Variants in RTTN observed in about 807,000 individuals in gnomAD.
RTTN encodes rotatin.
Under a neutral mutation model 269.2 loss-of-function variants are expected in RTTN, and 182 were observed. That is an observed-to-expected ratio of 0.68 (90% CI 0.60 to 0.76). The LOEUF is 0.76. Among genes scored for constraint, RTTN ranks in the 30% least tolerant of loss-of-function variants. The probability of loss-of-function intolerance (pLI) is 0.00; values close to 1 mark genes in which losing one functional copy is unlikely to be tolerated. For synonymous variants in RTTN, 1,006 were observed against 963.5 expected, an observed-to-expected ratio of 1.04 and a Z score of -0.82; for missense variants, 2,545 against 2,608.6, an observed-to-expected ratio of 0.98 and a Z score of 0.53.
intron 32 of RTTN, among the ~76,000 whole-genome samples, chr18:70,080,283 A>G (rs1372330239): frequency 6.6e-6 from 1 of 152,172 alleles, no homozygotes; most frequent in Non-Finnish European, 1.5e-5. Context: ...TCTAGAACGC[A>G]GATCTTGGTT....
At chr18:70,050,964 G>C (rs902784841) in intron 39 of RTTN, among the ~76,000 whole-genome samples, 2 of 152,090 alleles carry the variant, frequency 1.3e-5, no homozygotes, top group African/African-American at 4.8e-5. Flanking sequence ...AATACCTAAT[G>C]CATGTGGGGC....
intron 37 of RTTN, among the ~76,000 whole-genome samples, chr18:70,057,396 T>C (rs999491884): frequency 1.3e-5 from 2 of 152,148 alleles, no homozygotes; most frequent in African/African-American, 4.8e-5. Flanking sequence ...TTGGTGTAAA[T>C]AACAGAGATA....
At chr18:70,008,486 T>G (rs1342443383) in intron 46 of RTTN, 1 of 151,822 alleles carries the variant, frequency 6.6e-6, no homozygotes, top group Non-Finnish European at 1.5e-5. Flanking sequence ...TCTAACCCAA[T>G]GCAAGGAAGC....
At position 70,078,930 on chromosome 18, in the gene RTTN, G is replaced by A. The variant is rs182386462; in HGVS notation, c.4375-3389C>T. On this transcript the variant is annotated intron_variant, in intron 32 of 48. Coordinates refer to ENST00000640769, the MANE Select transcript of RTTN (RefSeq NM_173630.4). ...TGGGGTCAAAAGATATGATGCATGG[G>A]TGACAAAACCAGGAAGAGCAAGTGT... 4.3e-4 allele frequency among the ~76,000 whole-genome samples: 65 copies of A among 152,244 alleles called. 1 individual carries two copies. The Middle Eastern group carries it at 0.01, about 24-fold the overall frequency.
chr18:70,178,355 CA>C (rs1568521238), intron 10 of RTTN, among the ~76,000 whole-genome samples: 1 of 151,970 alleles, frequency 6.6e-6, no homozygotes, highest in East Asian at 1.9e-4. Flanking sequence ...AAGCCAGATA[CA>C]AAAAGACAAA....
intron 32 of RTTN, among the ~76,000 whole-genome samples, chr18:70,081,019 C>T (rs545318719): frequency 1.5e-4 from 23 of 151,792 alleles, no homozygotes; most frequent in Admixed American, 3.9e-4. Flanking sequence ...TAATGGTATT[C>T]GCAGTGATCT....
At chr18:70,167,855 T>C (rs1036131222) in intron 12 of RTTN, among the ~76,000 whole-genome samples, 2 of 151,894 alleles carry the variant, frequency 1.3e-5, no homozygotes, top group African/African-American at 4.8e-5. Context: ...ATCATAAATA[T>C]CAAGTTCAAG....
At chr18:70,106,539 T>C (rs565515710) in intron 28 of RTTN, among the ~76,000 whole-genome samples, 189 of 152,208 alleles carry the variant, frequency 1.2e-3, no homozygotes, top group Non-Finnish European at 2.0e-3. Flanking sequence ...GATATTGCCA[T>C]CCCTAAAAGA....
intron 14 of RTTN, among the ~76,000 whole-genome samples, chr18:70,152,574 C>G (rs1371787310): frequency 6.6e-6 from 1 of 152,098 alleles, no homozygotes; most frequent in African/African-American, 2.4e-5. Flanking sequence ...AAAGGCATGT[C>G]AAACTTAGGT....
intron 46 of RTTN, among the ~76,000 whole-genome samples, chr18:70,013,393 A>ATGTGTGTGTGTGTGTGTGTC (rs1415408025): frequency 1.4e-5 from 2 of 147,292 alleles, no homozygotes; most frequent in Non-Finnish European, 3.0e-5. Context: ...ATATATACAT[A>ATGTGTGTGTGTGTGTGTGTC]TGTGTGTGTG....
At chr18:70,043,768 T>A (rs1267838879) in intron 40 of RTTN, among the ~76,000 whole-genome samples, 1 of 152,210 alleles carries the variant, frequency 6.6e-6, no homozygotes, top group Non-Finnish European at 1.5e-5. Context: ...TAAATTCATA[T>A]ACTTTCCAAC....
Position 70,204,202 on chromosome 18 carries a change from C to T in RTTN, c.281G>A (p.Arg94Gln), listed in dbSNP as rs374694156. Residue 94 changes from arginine to glutamine, a missense_variant, in exon 3 of 49, where the codon CGG becomes CAG. Arg to Gln is a conservative substitution (Grantham distance 43). Transcript: ENST00000640769. ...VGAVEFLSKL[R>Q]SNVEPNLQAE... ...CTGCAGATTTGGCTCCACATTAGAC[C>T]GAAGCTTAGATAAGAACTCTACTGC... 6.8e-6 allele frequency: 11 copies of T among 1,613,846 alleles called. No homozygotes were observed. In the African/African-American group the frequency reaches 9.4e-5, roughly 14 times the overall value.
chr18:70,116,026 A>C (rs1241082582), intron 26 of RTTN, among the ~76,000 whole-genome samples: 4 of 151,974 alleles, frequency 2.6e-5, no homozygotes, highest in African/African-American at 9.7e-5. Flanking sequence ...ATGTCTTTGG[A>C]TAAATTAAGA....
intron 21 of RTTN, among the ~76,000 whole-genome samples, chr18:70,135,487 T>C (rs922837495): frequency 2.0e-5 from 3 of 152,136 alleles, no homozygotes; most frequent in Non-Finnish European, 2.9e-5. Flanking sequence ...TTGGATAGGT[T>C]TAGGGTGGAG....
chr18:70,114,379 T>C, intron 27 of RTTN, 66 bp downstream of exon 27: 2 of 1,444,598 alleles, frequency 1.4e-6, no homozygotes, highest in Non-Finnish European at 1.9e-6. Context: ...AAGTAAAACT[T>C]TGAAAATCAA....
intron 30 of RTTN, among the ~76,000 whole-genome samples, chr18:70,090,520 T>G (rs115047419): frequency 6.6e-6 from 1 of 152,202 alleles, no homozygotes; most frequent in African/African-American, 2.4e-5. Context: ...AGGTGAATGA[T>G]GTAGGCATTG....
chr18:70,068,784 T>A (rs982065471), intron 34 of RTTN, among the ~76,000 whole-genome samples: 1 of 152,190 alleles, frequency 6.6e-6, no homozygotes. Flanking sequence ...AAAATCACAA[T>A]CTAGACTTTT....
chr18:70,205,416 T>A (rs2062052311), intron 1 of RTTN, 101 bp from the exon 2 acceptor site: 1 of 1,501,034 alleles, frequency 6.7e-7, no homozygotes, highest in South Asian at 1.2e-5. Context: ...ATAAACCAGT[T>A]TTTTTCAGAA....
At chr18:70,168,110 T>C (rs1413310436) in intron 12 of RTTN, among the ~76,000 whole-genome samples, 1 of 59,322 alleles carries the variant, frequency 1.7e-5, no homozygotes, top group African/African-American at 2.8e-5. Context: ...CTGAGAAGGC[T>C]GTCAAAAAAA....
Sources: gnomAD v4.1 joint callset for allele counts (sites outside exome capture counted in the v4.1 genomes callset) on GRCh38, gnomAD v4.1.1 for gene constraint, MANE v1.5 for transcripts, NCBI Gene and HGNC (gene_info 2026-07-23, HGNC 2026-07-21) for gene names.